Variants in RGS6 observed in about 807,000 individuals in gnomAD.
The protein encoded by RGS6 is regulator of G-protein signaling 6.
In RGS6, 30 loss-of-function variants were observed where a neutral mutation model predicts 78.5. The observed-to-expected ratio is 0.38, with a 90% CI of 0.29 to 0.52. The LOEUF is 0.52. RGS6 is among the 20% of genes least tolerant of loss of function. The pLI is 0.85. For missense variants in RGS6, 495 were observed against 609.7 expected (o/e 0.81, Z 1.98); for synonymous variants, 206 against 206.0 (o/e 1.00, Z 0.00).
Position 72,536,289 on chromosome 14 carries a change from G to A in RGS6, c.1368+14G>A, listed in dbSNP as rs762661972. The A allele has an allele frequency of 3.7e-6, 6 of 1,605,200 alleles. No homozygotes were observed. The East Asian group carries it at 1.3e-4, about 36-fold the overall frequency. On this transcript the variant is annotated intron_variant, in intron 16 of 17. Transcript: ENST00000553525. ...GCCAAGAAGAAGGTATCTTTGGGAA[G>A]GGCAGGCTTGCTCTTAGCACTGTTG...
intron 2 of RGS6, among the ~76,000 whole-genome samples, chr14:72,059,766 A>G (rs74060604): frequency 7.9e-5 from 12 of 152,154 alleles, no homozygotes; most frequent in Non-Finnish European, 2.9e-5. Context: ...ATAAGAGGCC[A>G]TGTGAACACA....
rs17107267 is a variant in RGS6 at position 72,104,655 on chromosome 14, C to T, written c.84+139780C>T. ...TCTGTTTGGACTCCTGCAAGCTCTT[C>T]GAATACAGTGTGCTGTGAAATTATT... On this transcript the variant is annotated intron_variant, in intron 2 of 17. Transcript: ENST00000553525. Among the ~76,000 whole-genome samples the T allele has an allele frequency of 7.2e-3, 1,103 of 152,308 alleles. 39 individuals are homozygous for T. Among genetic ancestry groups the T allele is most frequent in the Admixed American group, 0.062 (949 of 15,296 alleles).
At chr14:71,882,565 G>A in the RGS6 span, among the ~76,000 whole-genome samples, 5 of 152,322 alleles carry the variant, frequency 3.3e-5, no homozygotes, top group South Asian at 1.0e-3. Context: ...CTGTTGAATG[G>A]AACAGGTCTA....
At chr14:72,222,322 C>G (rs1424358976) in intron 2 of RGS6, among the ~76,000 whole-genome samples, 1 of 152,212 alleles carries the variant, frequency 6.6e-6, no homozygotes, top group Non-Finnish European at 1.5e-5. Flanking sequence ...CACTCACTGC[C>G]TGGGGAACTG....
intron 1 of RGS6, among the ~76,000 whole-genome samples, chr14:71,948,738 CTCTTTTTTTTTT>C (rs1357450578): frequency 1.5e-4 from 11 of 75,240 alleles, no homozygotes; most frequent in African/African-American, 2.6e-4. Flanking sequence ...CTCTCTCTCT[CTCTTTTTTTTTT>C]TTTTTTTTTT....
intron 3 of RGS6, among the ~76,000 whole-genome samples, chr14:72,391,429 G>T (rs1437253825): frequency 3.9e-5 from 6 of 152,196 alleles, no homozygotes; most frequent in Non-Finnish European, 7.3e-5. Context: ...TCTCATTTGA[G>T]AGAGGCAAGG....
intron 2 of RGS6, among the ~76,000 whole-genome samples, chr14:72,112,794 T>A (rs936502419): frequency 6.6e-6 from 1 of 152,192 alleles, no homozygotes; most frequent in Non-Finnish European, 1.5e-5. Context: ...TCCAAAACCC[T>A]GGTCTTGGGC....
chr14:72,198,954 G>T (rs935791886), intron 2 of RGS6, among the ~76,000 whole-genome samples: 1 of 152,218 alleles, frequency 6.6e-6, no homozygotes, highest in African/African-American at 2.4e-5. Flanking sequence ...AACGTAACAA[G>T]GTTTAAGCAA....
At position 72,472,181 on chromosome 14, in the gene RGS6, A is replaced by G. The variant is rs539356618; in HGVS notation, c.537-691A>G. Among the ~76,000 whole-genome samples the G allele has an allele frequency of 3.1e-4, 46 of 149,618 alleles. 1 individual carries two copies. The highest frequency in any genetic ancestry group is 6.3e-4 in the South Asian group (3 of 4,776). On this transcript the variant is annotated intron_variant, in intron 8 of 17. Transcript: ENST00000553525. ...ATACATGCTTTTTTAAGAAAAAAAA[A>G]AAAAGAAAGAAAAAGAAAAAACCTC... is the stretch of plus-strand genomic sequence containing the variant.
At position 71,992,831 on chromosome 14, in the gene RGS6, C is replaced by T. The variant is rs8009241; in HGVS notation, c.84+27956C>T. On this transcript the variant is annotated intron_variant, in intron 2 of 17. Coordinates refer to ENST00000553525, the MANE Select transcript of RGS6 (RefSeq NM_001204424.2). ...TTGTCTATAACAAGGACTCTTTTGACGCTTTGCTACTTTAATAGGTAAAAC... is the reference window on the plus strand; with the variant it reads ...TTGTCTATAACAAGGACTCTTTTGATGCTTTGCTACTTTAATAGGTAAAAC... Among the ~76,000 whole-genome samples, 995 of 152,250 alleles carry T rather than the reference C, an allele frequency of 6.5e-3. 6 individuals are homozygous for T. The highest frequency in any genetic ancestry group is 0.023 in the African/African-American group (949 of 41,548).
At chr14:72,371,929 T>C (rs1253573515) in intron 3 of RGS6, among the ~76,000 whole-genome samples, 1 of 152,186 alleles carries the variant, frequency 6.6e-6, no homozygotes, top group Admixed American at 6.5e-5. Flanking sequence ...GACTATGGAT[T>C]TCACTGTATC....
intron 2 of RGS6, among the ~76,000 whole-genome samples, chr14:72,235,124 T>C (rs1256864127): frequency 6.6e-6 from 1 of 152,206 alleles, no homozygotes; most frequent in East Asian, 1.9e-4. Flanking sequence ...AGCAGGTCTT[T>C]GCCATATTCT....
the RGS6 span, among the ~76,000 whole-genome samples, chr14:72,591,915 C>T: frequency 2.0e-5 from 3 of 152,190 alleles, no homozygotes; most frequent in South Asian, 2.1e-4. Flanking sequence ...CCTCTTCTCC[C>T]GTCTCCTCAA....
chr14:71,880,144 G>T, the RGS6 span, among the ~76,000 whole-genome samples: 1 of 152,206 alleles, frequency 6.6e-6, no homozygotes, highest in Non-Finnish European at 1.5e-5. Flanking sequence ...CTTTGAACTT[G>T]AGGGAGATGA....
At chr14:71,999,237 G>T (rs544267327) in intron 2 of RGS6, among the ~76,000 whole-genome samples, 9 of 152,282 alleles carry the variant, frequency 5.9e-5, no homozygotes, top group African/African-American at 2.2e-4. Flanking sequence ...GTGAAAATAA[G>T]TCCTGGTTAT....
At position 72,465,847 on chromosome 14, in the gene RGS6, A is replaced by G. The variant is rs548533644; in HGVS notation, c.459+25A>G. The G allele has an allele frequency of 1.1e-5, 18 of 1,585,250 alleles. No individual in the cohort carries two copies. In the African/African-American group the frequency reaches 2.2e-4, roughly 19 times the overall value. ...AGTAAGTATGATTATTTTCCAGGAT[A>G]CATATAAGAAGAGAGTAAAATCATA... On this transcript the variant is annotated intron_variant, in intron 7 of 17. Transcript: ENST00000553525.
the RGS6 span, among the ~76,000 whole-genome samples, chr14:71,874,405 T>C: frequency 6.6e-6 from 1 of 152,162 alleles, no homozygotes; most frequent in Non-Finnish European, 1.5e-5. Context: ...TTTGAAGCAA[T>C]TGTGAATGGG....
chr14:72,178,546 T>C (rs1004434583), intron 2 of RGS6, among the ~76,000 whole-genome samples: 1 of 152,258 alleles, frequency 6.6e-6, no homozygotes, highest in Non-Finnish European at 1.5e-5. Context: ...GAATTATACT[T>C]GTGATGAAGT....
chr14:72,358,844 G>T (rs1285551208), intron 3 of RGS6, among the ~76,000 whole-genome samples: 2 of 152,110 alleles, frequency 1.3e-5, no homozygotes, highest in Admixed American at 6.5e-5. Context: ...TTTGGGAGGG[G>T]CTGGGGTAGA....
Sources: gnomAD v4.1 joint callset for allele counts (sites outside exome capture counted in the v4.1 genomes callset) on GRCh38, gnomAD v4.1.1 for gene constraint, MANE v1.5 for transcripts, NCBI Gene and HGNC (gene_info 2026-07-23, HGNC 2026-07-21) for gene names.